MYOF: variants seen among roughly 807,000 people sequenced by gnomAD.
The protein encoded by MYOF is fer-1-like 3, myoferlin.
In MYOF, 244 loss-of-function variants were observed where a neutral mutation model predicts 284.2. The ratio of observed to expected loss-of-function variants is 0.86; its 90% confidence interval spans 0.77 to 0.95. The LOEUF is 0.95. Ranked by LOEUF, MYOF falls within the 40% of genes least tolerant of loss-of-function variation. The pLI is 0.00. For synonymous variants in MYOF, 904 were observed against 919.7 expected, an observed-to-expected ratio of 0.98 and a Z score of 0.31; for missense variants, 2,496 against 2,560.6, an observed-to-expected ratio of 0.97 and a Z score of 0.54.
intron 4 of MYOF, among the ~76,000 whole-genome samples, chr10:93,428,928 C>T (rs1370119680): frequency 6.6e-6 from 1 of 152,200 alleles, no homozygotes; most frequent in East Asian, 1.9e-4. Flanking sequence ...CAGAGGTGCT[C>T]CAGGGACCCC....
At chr10:93,407,262 C>T (rs1000303335) in intron 7 of MYOF, among the ~76,000 whole-genome samples, 3 of 151,390 alleles carry the variant, frequency 2.0e-5, no homozygotes, top group African/African-American at 7.3e-5. Flanking sequence ...CCCATCTTTA[C>T]TAAAAATACA....
At chr10:93,438,124 T>A (rs2056121653) in intron 3 of MYOF, among the ~76,000 whole-genome samples, 1 of 152,150 alleles carries the variant, frequency 6.6e-6, no homozygotes, top group Non-Finnish European at 1.5e-5. Flanking sequence ...TCAGCAAGAA[T>A]CCTGTTAGGT....
At chr10:93,459,922 G>A (rs577586577) in intron 1 of MYOF, among the ~76,000 whole-genome samples, 1 of 152,158 alleles carries the variant, frequency 6.6e-6, no homozygotes, top group Admixed American at 6.5e-5. Flanking sequence ...GGGGCTTGGG[G>A]GGGTGGAGAA....
intron 27 of MYOF, among the ~76,000 whole-genome samples, chr10:93,361,960 T>C (rs1344869439): frequency 6.6e-6 from 1 of 152,166 alleles, no homozygotes; most frequent in Non-Finnish European, 1.5e-5. Flanking sequence ...GTTTGTTTCT[T>C]TGTTTTGAGA....
At chr10:93,403,423 T>A (rs77715260) in intron 9 of MYOF, among the ~76,000 whole-genome samples, 53 of 152,356 alleles carry the variant, frequency 3.5e-4, no homozygotes, top group African/African-American at 1.3e-3. Context: ...ATCAGAGAGA[T>A]TGAGTTCCTC....
chr10:93,451,895 T>A (rs559745371), intron 3 of MYOF, among the ~76,000 whole-genome samples, 155 bp downstream of exon 3: 1 of 152,340 alleles, frequency 6.6e-6, no homozygotes, highest in South Asian at 2.1e-4. Flanking sequence ...ATTAGCCACA[T>A]CTGCTATTGG....
At chr10:93,333,128 A>C in intron 43 of MYOF, 93 bp downstream of exon 43, 1 of 1,049,616 alleles carries the variant, frequency 9.5e-7, no homozygotes, top group Non-Finnish European at 1.5e-6. Flanking sequence ...ACACAGTTTC[A>C]GAGCCTAGGA....
chr10:93,336,438 C>A (rs1843610755), intron 40 of MYOF, among the ~76,000 whole-genome samples: 1 of 152,178 alleles, frequency 6.6e-6, no homozygotes. Flanking sequence ...CATGATGAGT[C>A]TCAAAACTAC....
rs769270080 is a variant in MYOF, at chr10:93,374,907, A to G, written c.2157T>C (p.Asp719=). 17 of 1,614,048 alleles carry G rather than the reference A, an allele frequency of 1.1e-5. No homozygotes were observed. The highest frequency in any genetic ancestry group is 9.3e-5 in the African/African-American group (7 of 74,942). ...TEGKANVTVL[D]TQIRKLRSRS... is the part of the protein sequence containing the mutation. Reference sequence around the variant, plus strand: ...TGGACCGCAGCTTTCGGATCTGAGTATCGAGAACTGTGACGTTGGCTTTTC... The same window carrying G: ...TGGACCGCAGCTTTCGGATCTGAGTGTCGAGAACTGTGACGTTGGCTTTTC... Residue 719 remains aspartate (D), a synonymous_variant, in exon 23 of 54, where the codon GAT becomes GAC. Transcript: ENST00000359263.
At chr10:93,401,631 C>A (rs1589509692) in intron 11 of MYOF, 87 bp from the exon 12 acceptor site, 2 of 1,513,732 alleles carry the variant, frequency 1.3e-6, no homozygotes, top group East Asian at 2.3e-5. Flanking sequence ...TGAAACCATT[C>A]AGAATCGTTT....
chr10:93,408,996 C>T (rs1475574862), intron 6 of MYOF, 81 bp from the exon 7 acceptor site: 9 of 1,585,236 alleles, frequency 5.7e-6, no homozygotes, highest in Non-Finnish European at 7.7e-6. Flanking sequence ...GCTTCATTTC[C>T]TTCACCTATT....
intron 1 of MYOF, among the ~76,000 whole-genome samples, chr10:93,474,474 C>T (rs567177044): frequency 2.0e-4 from 31 of 152,316 alleles, no homozygotes; most frequent in Admixed American, 1.8e-3. Context: ...CTTTCATCTA[C>T]TCAGATTGTA....
chr10:93,424,314 C>G (rs1025771914), intron 5 of MYOF, among the ~76,000 whole-genome samples: 1 of 152,188 alleles, frequency 6.6e-6, no homozygotes, highest in Non-Finnish European at 1.5e-5. Context: ...GCGCCTAGTG[C>G]CTTTCCCACA....
At chr10:93,439,939 A>G (rs2056192329) in intron 3 of MYOF, among the ~76,000 whole-genome samples, 1 of 152,222 alleles carries the variant, frequency 6.6e-6, no homozygotes, top group African/African-American at 2.4e-5. Flanking sequence ...CCAGTTCTTT[A>G]TCTTACCTAC....
intron 39 of MYOF, chr10:93,338,212 C>T: frequency 2.1e-6 from 1 of 477,586 alleles, no homozygotes; most frequent in Non-Finnish European, 3.9e-6. Flanking sequence ...TTGGTTTTTA[C>T]ATTTTTATTC....
intron 24 of MYOF, among the ~76,000 whole-genome samples, chr10:93,372,684 T>C (rs1845645449): frequency 6.6e-6 from 1 of 152,206 alleles, no homozygotes; most frequent in African/African-American, 2.4e-5. Flanking sequence ...AAGCAAAGCA[T>C]TCACAATGCC....
intron 13 of MYOF, among the ~76,000 whole-genome samples, chr10:93,399,163 C>A (rs1847160591): frequency 6.6e-6 from 1 of 152,176 alleles, no homozygotes; most frequent in Non-Finnish European, 1.5e-5. Context: ...CTATTTTAAT[C>A]TCTCAAAAGA....
At position 93,351,260 on chromosome 10, in the gene MYOF, C is replaced by A. The variant is rs757156408; in HGVS notation, c.3858G>T (p.Arg1286Ser). The A allele has an allele frequency of 6.2e-7, 1 of 1,613,658 alleles. No individual in the cohort carries two copies. Among genetic ancestry groups the A allele is most frequent in the Non-Finnish European group, 8.5e-7 (1 of 1,179,936 alleles). Residue 1286 changes from arginine (R) to serine (S), a missense_variant, in exon 35 of 54, where the codon AGG becomes AGT. By Grantham distance (110) the Arg-to-Ser change is moderately radical. Coordinates refer to ENST00000359263, the MANE Select transcript of MYOF (RefSeq NM_013451.4). ...GSNLPILPPQRAPNLYMVPQG... is the reference protein window; with the variant it reads ...GSNLPILPPQSAPNLYMVPQG... ...GGGGGACCATGTATAGATTTGGCGC[C>A]CTTTGAGGGGGAAGAATGGGAAGGT...
chr10:93,439,452 C>T (rs1326064740), intron 3 of MYOF, among the ~76,000 whole-genome samples: 2 of 152,178 alleles, frequency 1.3e-5, no homozygotes, highest in African/African-American at 4.8e-5. Context: ...CAGTTAATTC[C>T]CTCAACCGTT....
Sources: allele counts gnomAD v4.1 joint callset (sites outside exome capture counted in the v4.1 genomes callset), GRCh38; gene constraint gnomAD v4.1.1; transcripts MANE v1.5; gene names NCBI Gene and HGNC (gene_info 2026-07-23, HGNC 2026-07-21).